Variants in INVS observed in about 807,000 individuals in gnomAD.
INVS encodes the protein inversion of embryo turning homolog.
Under a neutral mutation model 108.8 loss-of-function variants are expected in INVS, and 86 were observed. That is an observed-to-expected ratio of 0.79 (90% confidence interval 0.66 to 0.95). The LOEUF is 0.95. INVS is among the 40% of genes least tolerant of loss of function. INVS has a pLI of 0.00. For missense variants in INVS, 1,169 were observed against 1,297.4 expected (o/e 0.90, Z 1.52); for synonymous variants, 455 against 473.5 (o/e 0.96, Z 0.51).
At chr9:100,284,201 C>A (rs1184135776) in intron 12 of INVS, 119 bp from the exon 13 acceptor site, 1 of 1,231,570 alleles carries the variant, frequency 8.1e-7, no homozygotes, top group Non-Finnish European at 1.2e-6. Flanking sequence ...TTGGAAAATG[C>A]AAATTTCCAA....
chr9:100,134,677 G>A (rs2118924843), intron 3 of INVS, among the ~76,000 whole-genome samples: 1 of 152,172 alleles, frequency 6.6e-6, no homozygotes, highest in Non-Finnish European at 1.5e-5. Context: ...GTTTTGATTT[G>A]CATTTCCCTG....
chr9:100,232,552 A>G (rs1831546759), intron 5 of INVS, among the ~76,000 whole-genome samples: 1 of 152,226 alleles, frequency 6.6e-6, no homozygotes, highest in African/African-American at 2.4e-5. Flanking sequence ...GAAGGGGTCC[A>G]GTTTCAGCTT....
chr9:100,125,615 G>A (rs558829069), intron 2 of INVS, among the ~76,000 whole-genome samples: 2 of 152,062 alleles, frequency 1.3e-5, no homozygotes, highest in South Asian at 4.2e-4. Context: ...GTAATTAGCA[G>A]GAGGATGAGG....
At chr9:100,299,547 T>TGAC (rs1833889172) in intron 16 of INVS, among the ~76,000 whole-genome samples, 1 of 135,110 alleles carries the variant, frequency 7.4e-6, no homozygotes, top group South Asian at 2.3e-4. Context: ...AGCCTTTTAT[T>TGAC]GACACACAAC....
At chr9:100,229,613 AAGTT>A (rs758016801) in intron 4 of INVS, 43 bp from the exon 5 acceptor site, 12 of 1,566,522 alleles carry the variant, frequency 7.7e-6, no homozygotes, top group South Asian at 2.2e-5. Flanking sequence ...AGATTGGGGA[AAGTT>A]AGTTGTTACT....
intron 10 of INVS, among the ~76,000 whole-genome samples, chr9:100,259,337 A>T (rs1832532274): frequency 6.6e-6 from 1 of 152,120 alleles, no homozygotes; most frequent in African/African-American, 2.4e-5. Flanking sequence ...TTCCTTGGCT[A>T]GAAAAAGGGA....
chr9:100,111,335 C>T (rs533713883), intron 2 of INVS, among the ~76,000 whole-genome samples: 3 of 152,226 alleles, frequency 2.0e-5, no homozygotes, highest in Admixed American at 6.5e-5. Context: ...CTAGAGTTGG[C>T]GCTCTGGTTT....
At chr9:100,258,270 G>A (rs1000666755) in intron 10 of INVS, among the ~76,000 whole-genome samples, 4 of 152,046 alleles carry the variant, frequency 2.6e-5, no homozygotes, top group African/African-American at 9.7e-5. Context: ...ATTTAAGGTC[G>A]TTTCTATGCT....
chr9:100,275,356 A>C (rs997104007), intron 12 of INVS, among the ~76,000 whole-genome samples: 13 of 152,220 alleles, frequency 8.5e-5, no homozygotes, highest in Non-Finnish European at 1.5e-4. Context: ...TATTTTCAAA[A>C]TTTGTAGTCA....
chr9:100,275,502 A>G (rs1833086079), intron 12 of INVS, among the ~76,000 whole-genome samples: 1 of 152,206 alleles, frequency 6.6e-6, no homozygotes, highest in Non-Finnish European at 1.5e-5. Context: ...CTATTTCTCA[A>G]AAGTTATTTC....
At chr9:100,275,608 T>C (rs1833089314) in intron 12 of INVS, among the ~76,000 whole-genome samples, 1 of 152,232 alleles carries the variant, frequency 6.6e-6, no homozygotes, top group East Asian at 1.9e-4. Flanking sequence ...TGCTGCCTCA[T>C]TGACTAAGCT....
intron 12 of INVS, among the ~76,000 whole-genome samples, chr9:100,278,332 C>T (rs779419133): frequency 6.6e-6 from 1 of 151,616 alleles, no homozygotes; most frequent in Non-Finnish European, 1.5e-5. Context: ...CTGAAATAAC[C>T]TCTCAGTTTA....
chr9:100,233,216 G>T (rs181155504), intron 5 of INVS, among the ~76,000 whole-genome samples: 5 of 152,262 alleles, frequency 3.3e-5, no homozygotes, highest in Admixed American at 1.3e-4. Context: ...TTTGCACATT[G>T]ATTTTGTATC....
intron 14 of INVS, among the ~76,000 whole-genome samples, chr9:100,295,898 T>A (rs966456708): frequency 1.3e-5 from 2 of 152,068 alleles, no homozygotes; most frequent in Admixed American, 6.6e-5. Context: ...TATAGCGCGG[T>A]AGTGCCATAC....
intron 13 of INVS, among the ~76,000 whole-genome samples, chr9:100,289,083 A>G (rs1284292402): frequency 1.3e-5 from 2 of 152,004 alleles, no homozygotes; most frequent in African/African-American, 2.4e-5. Flanking sequence ...CCTTCATTTT[A>G]TTTGTTTTCT....
At chr9:100,168,408 A>T (rs1004361635) in intron 3 of INVS, among the ~76,000 whole-genome samples, 2 of 152,166 alleles carry the variant, frequency 1.3e-5, no homozygotes, top group African/African-American at 4.8e-5. Flanking sequence ...ACCATTTATT[A>T]GCCTTTACTT....
chr9:100,136,503 C>T (rs1588028175), intron 3 of INVS, among the ~76,000 whole-genome samples: 1 of 152,024 alleles, frequency 6.6e-6, no homozygotes, highest in East Asian at 1.9e-4. Context: ...TATTAAATAC[C>T]TAATCAGTGT....
chr9:100,244,857 C>A (rs1334546255), intron 7 of INVS, among the ~76,000 whole-genome samples: 2 of 152,070 alleles, frequency 1.3e-5, no homozygotes, highest in Non-Finnish European at 2.9e-5. Context: ...AAACTTTTAC[C>A]TCAGTAACTC....
intron 2 of INVS, among the ~76,000 whole-genome samples, chr9:100,124,088 C>T (rs1444614322): frequency 1.3e-5 from 2 of 151,904 alleles, no homozygotes; most frequent in African/African-American, 4.8e-5. Flanking sequence ...GGATTATAGG[C>T]GTGAGCCACC....
Sources: allele counts gnomAD v4.1 joint callset (sites outside exome capture counted in the v4.1 genomes callset), GRCh38; gene constraint gnomAD v4.1.1; transcripts MANE v1.5; gene names NCBI Gene and HGNC (gene_info 2026-07-23, HGNC 2026-07-21).